Variants in ADGRL3 observed in about 807,000 individuals in gnomAD.
ADGRL3 encodes calcium-independent alpha-latrotoxin receptor 3.
In ADGRL3, 62 loss-of-function variants were observed where a neutral mutation model predicts 153.5. The ratio of observed to expected loss-of-function variants is 0.40; its 90% CI spans 0.33 to 0.50. The LOEUF (loss-of-function observed/expected upper bound fraction) is 0.50. Among genes scored for constraint, ADGRL3 ranks in the 20% least tolerant of loss-of-function variants. The pLI is 0.47. For synonymous variants in ADGRL3, 710 were observed against 672.5 expected (o/e 1.06, Z -0.86); for missense variants, 1,641 against 1,859.4 (o/e 0.88, Z 2.16).
intron 1 of ADGRL3, among the ~76,000 whole-genome samples, chr4:61,332,504 A>G (rs1309212811): frequency 6.6e-6 from 1 of 152,082 alleles, no homozygotes; most frequent in Non-Finnish European, 1.5e-5. Flanking sequence ...CATTTTTTGT[A>G]ATATGAAGTT....
intron 6 of ADGRL3, among the ~76,000 whole-genome samples, chr4:61,718,091 A>G (rs2096160897): frequency 1.3e-5 from 2 of 152,192 alleles, no homozygotes; most frequent in African/African-American, 4.8e-5. Context: ...AAAATGTAGC[A>G]TAATGGAACA....
intron 1 of ADGRL3, among the ~76,000 whole-genome samples, chr4:61,325,651 T>C (rs1429886204): frequency 2.6e-5 from 4 of 152,218 alleles, no homozygotes; most frequent in African/African-American, 9.6e-5. Flanking sequence ...TCCTATAGTC[T>C]AGCTTTATTT....
At chr4:61,801,272 A>AT (rs367957566) in intron 8 of ADGRL3, among the ~76,000 whole-genome samples, 45 of 151,632 alleles carry the variant, frequency 3.0e-4, no homozygotes, top group South Asian at 1.9e-3. Context: ...GGTATATGTG[A>AT]TTTTTTTTTC....
intron 17 of ADGRL3, among the ~76,000 whole-genome samples, chr4:61,975,188 T>G (rs1003706629): frequency 4.6e-5 from 7 of 152,100 alleles, no homozygotes; most frequent in Admixed American, 3.3e-4. Context: ...AAGGGGAAAA[T>G]AATGCAAGGA....
chr4:61,455,590 A>G (rs773025184), intron 2 of ADGRL3, among the ~76,000 whole-genome samples: 2 of 152,116 alleles, frequency 1.3e-5, no homozygotes, highest in Non-Finnish European at 2.9e-5. Flanking sequence ...ATTCATGAGT[A>G]TAATATGTAG....
intron 4 of ADGRL3, among the ~76,000 whole-genome samples, chr4:61,525,370 A>G (rs10033972): frequency 0.4 from 60,494 of 151,910 alleles, 13,051 homozygotes; most frequent in Non-Finnish European, 0.48. Context: ...TGAAATGTCA[A>G]ATAGTCTAAT....
At chr4:61,649,032 G>T (rs1333642085) in intron 5 of ADGRL3, among the ~76,000 whole-genome samples, 1 of 151,448 alleles carries the variant, frequency 6.6e-6, no homozygotes, top group African/African-American at 2.4e-5. Context: ...ATTCCTAAAA[G>T]TAACCACTTT....
chr4:62,009,900 A>G (rs746988628), intron 21 of ADGRL3, among the ~76,000 whole-genome samples: 2 of 152,202 alleles, frequency 1.3e-5, no homozygotes, highest in Middle Eastern at 3.4e-3. Flanking sequence ...TAATCGTTTA[A>G]TAGAACAATT....
chr4:61,371,347 A>G (rs894009232), intron 1 of ADGRL3, among the ~76,000 whole-genome samples: 98 of 151,488 alleles, frequency 6.5e-4, no homozygotes, highest in Non-Finnish European at 1.1e-3. Context: ...ACATTTTGGC[A>G]TGATTTTGCA....
At chr4:61,474,919 C>T (rs2098025122) in intron 2 of ADGRL3, among the ~76,000 whole-genome samples, 1 of 152,130 alleles carries the variant, frequency 6.6e-6, no homozygotes, top group Non-Finnish European at 1.5e-5. Context: ...ATATAAATTA[C>T]TGTCCCAGGC....
intron 2 of ADGRL3, among the ~76,000 whole-genome samples, chr4:61,472,546 T>C (rs1240075504): frequency 6.6e-6 from 1 of 152,036 alleles, no homozygotes; most frequent in Non-Finnish European, 1.5e-5. Flanking sequence ...AGCCTTAGTA[T>C]TTTTGTTATC....
At chr4:61,925,759 C>A (rs993655636) in intron 13 of ADGRL3, among the ~76,000 whole-genome samples, 12 of 152,114 alleles carry the variant, frequency 7.9e-5, no homozygotes, top group Non-Finnish European at 1.5e-4. Context: ...CACCTCCCAC[C>A]AGGCCCCACC....
rs968981259 is a variant in ADGRL3 at position 61,909,467 on chromosome 4, A to G, written c.1888-93A>G. ...TTAACAACTATTTCTTGAATCGATG[A>G]TTACAATTACATGCAAACATGATCG... On this transcript the variant is annotated intron_variant, in intron 11 of 26. Transcript: ENST00000683033. The G allele has an allele frequency of 6.2e-6, 5 of 807,072 alleles. No individual in the cohort carries two copies. In the African/African-American group the frequency reaches 7.0e-5, roughly 11 times the overall value. 50.0% of individuals were successfully genotyped at this position (807,072 alleles called of 1,614,324 possible).
chr4:61,860,120 C>G (rs2098325471), intron 9 of ADGRL3, among the ~76,000 whole-genome samples: 1 of 152,088 alleles, frequency 6.6e-6, no homozygotes, highest in Non-Finnish European at 1.5e-5. Flanking sequence ...TGTAGACAGT[C>G]TTGATTCAGT....
intron 2 of ADGRL3, among the ~76,000 whole-genome samples, chr4:61,438,089 T>G (rs549803141): frequency 1.2e-4 from 18 of 152,242 alleles, no homozygotes; most frequent in Admixed American, 2.0e-4. Context: ...TATTTTGTTC[T>G]TCTTGGAATT....
At chr4:61,492,028 C>CAAAG (rs386400240) in intron 2 of ADGRL3, among the ~76,000 whole-genome samples, 13 of 151,100 alleles carry the variant, frequency 8.6e-5, no homozygotes, top group African/African-American at 2.7e-4. Flanking sequence ...AAAAAACAAA[C>CAAAG]AAACAAACAA....
At position 61,391,855 on chromosome 4, in the gene ADGRL3, C is replaced by CTTTTT. The variant is rs869176171; in HGVS notation, c.-174+8684_-174+8688dup. 2.4e-3 allele frequency among the ~76,000 whole-genome samples: 224 copies of CTTTTT among 93,596 alleles called. 10 individuals carry two copies. The highest frequency in any genetic ancestry group is 0.024 in the Middle Eastern group (2 of 82). 61.4% of individuals were successfully genotyped at this position (93,596 alleles called of 152,430 possible). Reference sequence around the variant, plus strand: ...AAAATTATCCAAGTGAAAAATGCTACTTTTTTTTTTTTTTTTTTTTTTGAG... The same window carrying CTTTTT: ...AAAATTATCCAAGTGAAAAATGCTACTTTTTTTTTTTTTTTTTTTTTTTTTTTGAG... On this transcript the variant is annotated intron_variant, in intron 2 of 26. Coordinates refer to ENST00000683033, the MANE Select transcript of ADGRL3 (RefSeq NM_001387552.1).
rs17090511 is a variant in ADGRL3, at chr4:61,587,554, A to G, written c.473+114A>G. The stretch of plus-strand genomic sequence containing the variant: ...AGTGTTATGTATTTTAGGACACTTC[A>G]AAATAGTTTTTCCATATCTGACTAT... On this transcript the variant is annotated intron_variant, in intron 5 of 26. Transcript: ENST00000683033. The G allele has an allele frequency of 0.016, 12,471 of 796,304 alleles. 970 individuals carry two copies. The African/African-American group carries it at 0.18, about 12-fold the overall frequency. 49.3% of individuals were successfully genotyped at this position (796,304 alleles called of 1,614,324 possible).
In ADGRL3 at chr4:61,283,269, G is replaced by A. The variant is rs530620527; in HGVS notation, c.-240+81504G>A. Among the ~76,000 whole-genome samples the A allele has an allele frequency of 1.1e-4, 16 of 152,092 alleles. No homozygotes were observed. In the East Asian group the frequency reaches 2.7e-3, roughly 26 times the overall value. On this transcript the variant is annotated intron_variant, in intron 1 of 26. Coordinates refer to ENST00000683033, the MANE Select transcript of ADGRL3 (RefSeq NM_001387552.1). ...CATATTTTCTCTTCAAGTAACAAATGTTTAACTCAAACTTCTGTTTTAGTT... is the reference window on the plus strand; with the variant it reads ...CATATTTTCTCTTCAAGTAACAAATATTTAACTCAAACTTCTGTTTTAGTT...
Sources: gnomAD v4.1 joint callset for allele counts (sites outside exome capture counted in the v4.1 genomes callset) on GRCh38, gnomAD v4.1.1 for gene constraint, MANE v1.5 for transcripts, NCBI Gene and HGNC (gene_info 2026-07-23, HGNC 2026-07-21) for gene names.